The following GYPB variants were observed in gnomAD, a reference collection of about 807,000 sequenced individuals.
The protein encoded by GYPB is glycophorin-B.
A neutral mutation model predicts 15.3 loss-of-function variants in GYPB; 13 were observed. That is an observed-to-expected ratio of 0.85 (90% CI 0.55 to 1.35). GYPB has a LOEUF of 1.35. Ranked by LOEUF, GYPB falls within the 40% of genes most tolerant of loss-of-function variation. The probability of loss-of-function intolerance (pLI) is 0.00; values close to 1 mark genes in which losing one functional copy is unlikely to be tolerated. For synonymous variants in GYPB, 38 were observed against 36.9 expected (o/e 1.03, Z -0.11); for missense variants, 131 against 108.3 (o/e 1.21, Z -0.93).
At chr4:144,000,337 A>G in intron 2 of GYPB, 2 of 419,406 alleles carry the variant, frequency 4.8e-6, no homozygotes, top group South Asian at 6.7e-5. Context: ...ATAGAGTTCA[A>G]TCACAACAAT....
intron 1 of GYPB, chr4:144,012,836 G>T: frequency 6.6e-6 from 1 of 151,318 alleles, no homozygotes; most frequent in Non-Finnish European, 1.5e-5. Flanking sequence ...AAATATAAGA[G>T]AAGAAATACA....
rs1179880861 is a variant in GYPB at position 143,997,443 on chromosome 4, CT to C, written c.270+96del. On this transcript the variant is annotated intron_variant, in intron 4 of 4. Transcript: ENST00000502664. The stretch of plus-strand genomic sequence containing the variant: ...GAAAAAGATGGAATTTTATGCAGTT[CT>C]GTTTCTCTTCTGAGTTTAACTGAAC... 2.7e-6 allele frequency: 2 copies of C among 727,384 alleles called. 1 individual carries two copies. The highest frequency in any genetic ancestry group is 3.6e-5 in the African/African-American group (2 of 55,512). The allele number at this position is 727,384 out of a possible 1,614,324, so 45.1% of individuals were successfully genotyped here.
intron 1 of GYPB, among the ~76,000 whole-genome samples, chr4:144,018,980 T>G (rs1401767108): frequency 6.6e-6 from 1 of 151,392 alleles, no homozygotes; most frequent in African/African-American, 2.5e-5. Context: ...TCATAGCATT[T>G]GATAAAATTA....
At position 144,011,087 on chromosome 4, in the gene GYPB, AG is replaced by A. The variant is rs1166565473; in HGVS notation, c.37+8163del. On this transcript the variant is annotated intron_variant, in intron 1 of 4. Transcript: ENST00000502664. ...ACAGAAACTTTTAGATTGAGTCAAAAGAGATAGGTTAGGACTGGTGCAATGG... is the reference window on the plus strand; with the variant it reads ...ACAGAAACTTTTAGATTGAGTCAAAAAGATAGGTTAGGACTGGTGCAATGG... Among the ~76,000 whole-genome samples the A allele has an allele frequency of 1.9e-4, 29 of 151,614 alleles. 2 individuals carry two copies. The highest frequency in any genetic ancestry group is 6.9e-4 in the African/African-American group (28 of 40,860).
chr4:144,007,965 A>G (rs1241349139), intron 1 of GYPB, among the ~76,000 whole-genome samples: 1 of 151,370 alleles, frequency 6.6e-6, no homozygotes, highest in Non-Finnish European at 1.5e-5. Flanking sequence ...AAGATGCTTC[A>G]CCATTCATGA....
At chr4:143,996,454 T>A (rs544711284) in intron 4 of GYPB, 150 bp from the exon 5 acceptor site, 1 of 1,417,024 alleles carries the variant, frequency 7.1e-7, no homozygotes, top group African/African-American at 1.5e-5. Flanking sequence ...TGTTGCCAAG[T>A]TCTTTTGGTT....
chr4:144,018,379 T>A (rs1200176894), intron 1 of GYPB, among the ~76,000 whole-genome samples: 1 of 151,082 alleles, frequency 6.6e-6, no homozygotes, highest in African/African-American at 2.5e-5. Context: ...TGATCTCTCT[T>A]CCCTGTATGC....
At chr4:144,010,932 T>C (rs1418094465) in intron 1 of GYPB, among the ~76,000 whole-genome samples, 2 of 151,436 alleles carry the variant, frequency 1.3e-5, no homozygotes, top group African/African-American at 2.5e-5. Flanking sequence ...AAATAAAACA[T>C]AGTATATATA....
intron 4 of GYPB, among the ~76,000 whole-genome samples, chr4:143,996,667 G>A (rs1445411239): frequency 1.3e-5 from 2 of 150,562 alleles, no homozygotes; most frequent in African/African-American, 5.0e-5. Flanking sequence ...TTACTGTGGA[G>A]GCTGAAGCAC....
chr4:144,002,703 C>T, intron 1 of GYPB: 5 of 1,286,460 alleles, frequency 3.9e-6, no homozygotes, highest in Non-Finnish European at 5.1e-6. Flanking sequence ...TCCTGGAGAG[C>T]ACACAAATAA....
chr4:144,006,813 T>C (rs1200472832), intron 1 of GYPB, among the ~76,000 whole-genome samples: 1 of 151,708 alleles, frequency 6.6e-6, no homozygotes, highest in African/African-American at 2.4e-5. Context: ...GATAAATGCA[T>C]CTGTGGAAGT....
rs529675474 is a variant in GYPB, at chr4:144,013,046, A to G, written c.37+6205T>C. ...ATGAAGGAAAAGATTTGCAAATAGT[A>G]TATCTGATAAGACTCTTTATCCAGA... On this transcript the variant is annotated intron_variant, in intron 1 of 4. Coordinates refer to ENST00000502664, the MANE Select transcript of GYPB (RefSeq NM_002100.6). Among the ~76,000 whole-genome samples, 1,175 of 151,740 alleles carry G rather than the reference A, an allele frequency of 7.7e-3. 28 individuals carry two copies. Among genetic ancestry groups the G allele is most frequent in the African/African-American group, 0.027 (1,104 of 40,964 alleles).
chr4:144,019,072 T>G (rs550751455), intron 1 of GYPB, among the ~76,000 whole-genome samples, 179 bp downstream of exon 1: 1 of 151,362 alleles, frequency 6.6e-6, no homozygotes, highest in African/African-American at 2.5e-5. Flanking sequence ...TGGGCTCCCT[T>G]GTGTCATTTC....
At chr4:144,003,136 T>A (rs1318686509) in intron 1 of GYPB, among the ~76,000 whole-genome samples, 1 of 151,556 alleles carries the variant, frequency 6.6e-6, no homozygotes, top group Non-Finnish European at 1.5e-5. Context: ...TCAATTAAAG[T>A]ATGTAAAAAT....
chr4:143,999,285 G>T lies in GYPB; in HGVS notation c.175+126C>A, dbSNP rs918153342. 6.7e-6 allele frequency: 4 copies of T among 598,660 alleles called. No homozygotes were observed. The South Asian group carries it at 7.9e-5, about 12-fold the overall frequency. The allele number at this position is 598,660 out of a possible 1,614,324, so 37.1% of individuals were successfully genotyped here. ...ATATTTTCTTTGTCTTTACAATTTC[G>T]TGTGAATAAAGTTAACAACATATGC... On this transcript the variant is annotated intron_variant, in intron 3 of 4. Transcript: ENST00000502664.
intron 1 of GYPB, among the ~76,000 whole-genome samples, chr4:144,014,093 A>G (rs1165636811): frequency 6.6e-6 from 1 of 151,654 alleles, no homozygotes; most frequent in Non-Finnish European, 1.5e-5. Flanking sequence ...TAAAAAAATG[A>G]AAAAGTACAA....
At chr4:144,016,079 CTG>C (rs919289479) in intron 1 of GYPB, among the ~76,000 whole-genome samples, 4 of 136,406 alleles carry the variant, frequency 2.9e-5, no homozygotes, top group Non-Finnish European at 6.1e-5. Context: ...CATACAGTTC[CTG>C]TAACTCTTTC....
Position 144,011,729 on chromosome 4 carries a change from C to T in GYPB, c.37+7522G>A, listed in dbSNP as rs577971764. 2.3e-4 allele frequency among the ~76,000 whole-genome samples: 35 copies of T among 151,336 alleles called. 2 individuals are homozygous for T. The highest frequency in any genetic ancestry group is 4.4e-4 in the African/African-American group (18 of 40,648). ...ATTGATTTATATGATTTTTTGCTAA[C>T]GAATCAATAAGGACAGATTTTATTA... On this transcript the variant is annotated intron_variant, in intron 1 of 4. Coordinates refer to ENST00000502664, the MANE Select transcript of GYPB (RefSeq NM_002100.6).
intron 2 of GYPB, 48 bp downstream of exon 2, chr4:144,001,137 C>A (rs1198352499): frequency 6.2e-7 from 1 of 1,612,178 alleles, no homozygotes; most frequent in Non-Finnish European, 8.5e-7. Flanking sequence ...GGTTGCATCA[C>A]AAAAATCATT....
Sources: gnomAD v4.1 joint callset for allele counts (sites outside exome capture counted in the v4.1 genomes callset) on GRCh38, gnomAD v4.1.1 for gene constraint, MANE v1.5 for transcripts, NCBI Gene and HGNC (gene_info 2026-07-23, HGNC 2026-07-21) for gene names.